The following VAT1L variants were observed in gnomAD, a reference collection of about 807,000 sequenced individuals.
The protein encoded by VAT1L is vesicle amine transport 1 like, also known as putative NADPH-dependent quinone oxidoreductase VAT1L.
Under a neutral mutation model 44.1 loss-of-function variants are expected in VAT1L, and 34 were observed. That is an observed-to-expected ratio of 0.77 (90% confidence interval 0.59 to 1.03). The LOEUF (loss-of-function observed/expected upper bound fraction) is 1.03. Ranked by LOEUF, VAT1L falls within the 50% of genes least tolerant of loss-of-function variation. VAT1L has a pLI of 0.00. For missense variants in VAT1L, 615 were observed against 538.8 expected, an observed-to-expected ratio of 1.14 and a Z score of -1.40; for synonymous variants, 253 against 202.2, an observed-to-expected ratio of 1.25 and a Z score of -2.13.
At chr16:77,789,973 C>T (rs1254413355) in intron 1 of VAT1L, among the ~76,000 whole-genome samples, 1 of 152,174 alleles carries the variant, frequency 6.6e-6, no homozygotes, top group East Asian at 1.9e-4. Context: ...CACGGTGAGA[C>T]GAGCCTATTC....
chr16:77,938,570 C>G (rs961636634), intron 7 of VAT1L, among the ~76,000 whole-genome samples: 13 of 152,100 alleles, frequency 8.5e-5, no homozygotes, highest in African/African-American at 2.9e-4. Flanking sequence ...GTGTGTGGCA[C>G]TTCCCCCCTT....
intron 3 of VAT1L, among the ~76,000 whole-genome samples, chr16:77,855,987 G>C (rs2016854465): frequency 6.6e-6 from 1 of 152,160 alleles, no homozygotes; most frequent in South Asian, 2.1e-4. Flanking sequence ...CTGCTCTCCA[G>C]CCTGGCAACA....
intron 7 of VAT1L, among the ~76,000 whole-genome samples, chr16:77,904,765 G>T (rs2017422256): frequency 6.6e-6 from 1 of 152,158 alleles, no homozygotes; most frequent in South Asian, 2.1e-4. Context: ...GCCAAGAAAT[G>T]TGCTTTAAAT....
Position 77,977,717 on chromosome 16 carries a change from T to C in VAT1L, c.*22T>C. 3 of 1,609,394 alleles carry C rather than the reference T, an allele frequency of 1.9e-6. No homozygotes were observed. Among genetic ancestry groups the C allele is most frequent in the Non-Finnish European group, 2.5e-6 (3 of 1,177,298 alleles). ...GTAACTGAGGACCCAGGTGGGAGAA[T>C]GTGAAGGATGGTTTGGAAGATGAGG... On this transcript the variant is annotated 3_prime_UTR_variant, in exon 9 of 9. Coordinates refer to ENST00000302536, the MANE Select transcript of VAT1L (RefSeq NM_020927.3).
In VAT1L at chr16:77,825,233, TC is replaced by T. The variant is rs1490999635; in HGVS notation, c.364-9del. 1 of 1,613,832 alleles carries T rather than the reference TC, an allele frequency of 6.2e-7. No individual in the cohort carries two copies. Among genetic ancestry groups the T allele is most frequent in the Admixed American group, 1.7e-5 (1 of 60,028 alleles). Reference sequence around the variant, plus strand: ...AGGTAGCCTCCACTAACTCTGTGTTTCCCCATGCCCAGATTGGAGACCGTGT... The same window carrying T: ...AGGTAGCCTCCACTAACTCTGTGTTTCCCATGCCCAGATTGGAGACCGTGT... On this transcript the variant is annotated splice_polypyrimidine_tract_variant and intron_variant, in intron 2 of 8. Coordinates refer to ENST00000302536, the MANE Select transcript of VAT1L (RefSeq NM_020927.3).
chr16:77,809,947 A>G (rs1014505134), intron 1 of VAT1L, among the ~76,000 whole-genome samples: 1 of 152,252 alleles, frequency 6.6e-6, no homozygotes, highest in Non-Finnish European at 1.5e-5. Context: ...AGCTCGTGTC[A>G]TGATAACCAC....
At chr16:77,964,702 G>T (rs929123089) in intron 7 of VAT1L, among the ~76,000 whole-genome samples, 3 of 147,298 alleles carry the variant, frequency 2.0e-5, no homozygotes, top group African/African-American at 7.7e-5. Flanking sequence ...CAGGGATCTT[G>T]TTTAACTGGG....
intron 7 of VAT1L, among the ~76,000 whole-genome samples, chr16:77,967,407 A>AT (rs1218810759): frequency 6.6e-6 from 1 of 152,232 alleles, no homozygotes; most frequent in Non-Finnish European, 1.5e-5. Context: ...AAAGGGCCTC[A>AT]TATGGTGGCC....
intron 4 of VAT1L, among the ~76,000 whole-genome samples, chr16:77,869,864 C>G (rs1171987462): frequency 6.6e-6 from 1 of 152,128 alleles, no homozygotes; most frequent in Non-Finnish European, 1.5e-5. Flanking sequence ...TCTGCTTCAC[C>G]CGATAGCAGT....
At position 77,923,320 on chromosome 16, in the gene VAT1L, C is replaced by T. The variant is rs1020850888; in HGVS notation, c.1077+38518C>T. On this transcript the variant is annotated intron_variant, in intron 7 of 8. Coordinates refer to ENST00000302536, the MANE Select transcript of VAT1L (RefSeq NM_020927.3). Reference sequence around the variant, plus strand: ...AAAAAATTAGCTGGGCATGGTGCCGCGCACCTGTAGTCCCAGCTACTCAGG... The same window carrying T: ...AAAAAATTAGCTGGGCATGGTGCCGTGCACCTGTAGTCCCAGCTACTCAGG... Among the ~76,000 whole-genome samples, 63 of 152,166 alleles carry T rather than the reference C, an allele frequency of 4.1e-4. 1 individual carries two copies. The highest frequency in any genetic ancestry group is 3.4e-3 in the Middle Eastern group (1 of 294).
At chr16:77,922,656 A>T (rs999373418) in intron 7 of VAT1L, among the ~76,000 whole-genome samples, 3 of 152,220 alleles carry the variant, frequency 2.0e-5, no homozygotes, top group African/African-American at 7.2e-5. Flanking sequence ...GGACGGTATT[A>T]AAGTGAATGC....
At chr16:77,826,022 CAAAAAAAAAAGAAAAAA>C (rs1349756070) in intron 3 of VAT1L, among the ~76,000 whole-genome samples, 69 of 53,596 alleles carry the variant, frequency 1.3e-3, no homozygotes, top group African/African-American at 4.8e-3. Context: ...GACTCCATCT[CAAAAAAAAAAGAAAAAA>C]AAAAAAAAAA....
intron 1 of VAT1L, among the ~76,000 whole-genome samples, chr16:77,812,483 C>T (rs760103322): frequency 1.3e-5 from 2 of 152,160 alleles, no homozygotes; most frequent in Non-Finnish European, 2.9e-5. Context: ...ATTCAAGTCT[C>T]GGCTCTGTCA....
chr16:77,893,781 C>T (rs542085986), intron 7 of VAT1L, among the ~76,000 whole-genome samples: 4 of 152,154 alleles, frequency 2.6e-5, no homozygotes, highest in Non-Finnish European at 5.9e-5. Context: ...TCCCTGCTTA[C>T]CATTGAATTT....
chr16:77,955,269 G>A (rs1404215589), intron 7 of VAT1L, among the ~76,000 whole-genome samples: 1 of 152,204 alleles, frequency 6.6e-6, no homozygotes, highest in Non-Finnish European at 1.5e-5. Flanking sequence ...ATTTGGCAAT[G>A]CCTGGAAGCA....
chr16:77,939,587 T>A (rs2017852320), intron 7 of VAT1L, among the ~76,000 whole-genome samples: 1 of 152,136 alleles, frequency 6.6e-6, no homozygotes, highest in South Asian at 2.1e-4. Flanking sequence ...GTAACCTGGG[T>A]TTGGCTCTTC....
At chr16:77,918,386 T>G (rs1156984395) in intron 7 of VAT1L, among the ~76,000 whole-genome samples, 1 of 152,194 alleles carries the variant, frequency 6.6e-6, no homozygotes, top group East Asian at 1.9e-4. Context: ...CACATATATC[T>G]TTCCTTCTTC....
chr16:77,924,156 C>T (rs1035406612), intron 7 of VAT1L, among the ~76,000 whole-genome samples: 1 of 152,104 alleles, frequency 6.6e-6, no homozygotes, highest in Non-Finnish European at 1.5e-5. Context: ...GCTATATTGA[C>T]TCAGACACCC....
At chr16:77,951,191 G>A (rs2018038222) in intron 7 of VAT1L, among the ~76,000 whole-genome samples, 1 of 152,196 alleles carries the variant, frequency 6.6e-6, no homozygotes, top group Non-Finnish European at 1.5e-5. Flanking sequence ...TCAACAATGG[G>A]AGCTCTTCAG....
Sources: allele counts gnomAD v4.1 joint callset (sites outside exome capture counted in the v4.1 genomes callset), GRCh38; gene constraint gnomAD v4.1.1; transcripts MANE v1.5; gene names NCBI Gene and HGNC (gene_info 2026-07-23, HGNC 2026-07-21).